Variants in GALNTL6 observed in about 807,000 individuals in gnomAD.
GALNTL6 encodes polypeptide N-acetylgalactosaminyltransferase-like 6.
In GALNTL6, 46 loss-of-function variants were observed where a neutral mutation model predicts 73.7. The observed-to-expected ratio is 0.62, with a 90% CI of 0.49 to 0.80. The LOEUF is 0.80. Ranked by LOEUF, GALNTL6 falls within the 30% of genes least tolerant of loss-of-function variation. GALNTL6 has a pLI of 0.00. For missense variants in GALNTL6, 604 were observed against 755.0 expected (o/e 0.80, Z 2.34); for synonymous variants, 259 against 263.7 (o/e 0.98, Z 0.17).
At chr4:172,129,630 C>T (rs1733399996) in intron 2 of GALNTL6, among the ~76,000 whole-genome samples, 1 of 152,042 alleles carries the variant, frequency 6.6e-6, no homozygotes, top group African/African-American at 2.4e-5. Context: ...AAAATGTTAA[C>T]CCAGGCATAC....
In GALNTL6 at chr4:171,947,414, A is replaced by G. The variant is rs141913950; in HGVS notation, c.138+132696A>G. Among the ~76,000 whole-genome samples the G allele has an allele frequency of 1.1e-3, 167 of 151,864 alleles. 1 individual carries two copies. Among genetic ancestry groups the G allele is most frequent in the East Asian group, 7.2e-3 (37 of 5,126 alleles). ...AGGGTTAACTTTTGCCTGCCTTACC[A>G]GTAGTAATATATCTAGGTCAGAGCA... On this transcript the variant is annotated intron_variant, in intron 2 of 12. Transcript: ENST00000506823.
At chr4:172,776,643 G>GA (rs1328786027) in intron 5 of GALNTL6, among the ~76,000 whole-genome samples, 5 of 151,908 alleles carry the variant, frequency 3.3e-5, no homozygotes, top group South Asian at 2.1e-4. Context: ...TGAGTGGACA[G>GA]AAAAAAAATA....
chr4:172,363,220 G>T (rs1353714837), intron 5 of GALNTL6, among the ~76,000 whole-genome samples: 1 of 152,016 alleles, frequency 6.6e-6, no homozygotes. Context: ...ATTAAATAAT[G>T]TTTTCACTAT....
chr4:171,859,518 A>G (rs1023822827), intron 2 of GALNTL6, among the ~76,000 whole-genome samples: 3 of 152,140 alleles, frequency 2.0e-5, no homozygotes, highest in Non-Finnish European at 4.4e-5. Flanking sequence ...GCAAGGATGC[A>G]TGGAACTGAG....
intron 5 of GALNTL6, among the ~76,000 whole-genome samples, chr4:172,606,644 T>TATATATACATATATAGTATAC: frequency 5.7e-5 from 2 of 35,176 alleles, no homozygotes; most frequent in Non-Finnish European, 1.4e-4. Flanking sequence ...ATATATACTA[T>TATATATACATATATAGTATAC]ATATATAGTA....
At chr4:172,702,773 A>G (rs1009788089) in intron 5 of GALNTL6, among the ~76,000 whole-genome samples, 3 of 152,116 alleles carry the variant, frequency 2.0e-5, no homozygotes, top group African/African-American at 4.8e-5. Flanking sequence ...AATTACCACT[A>G]TTTCAGTATA....
chr4:172,420,245 C>T (rs1561074984), intron 5 of GALNTL6, among the ~76,000 whole-genome samples: 1 of 152,176 alleles, frequency 6.6e-6, no homozygotes, highest in Non-Finnish European at 1.5e-5. Flanking sequence ...TAACGAGGGT[C>T]ATTTCAGCTT....
At chr4:172,615,556 T>G (rs964710092) in intron 5 of GALNTL6, among the ~76,000 whole-genome samples, 1 of 152,192 alleles carries the variant, frequency 6.6e-6, no homozygotes, top group East Asian at 1.9e-4. Context: ...CTCTTTCTAT[T>G]AAGTTCTCCT....
intron 8 of GALNTL6, among the ~76,000 whole-genome samples, chr4:172,886,883 C>T (rs1745752155): frequency 6.6e-6 from 1 of 152,120 alleles, no homozygotes; most frequent in Admixed American, 6.5e-5. Flanking sequence ...TTGTTACAAG[C>T]AAATATTGTG....
Position 172,229,653 on chromosome 4 carries a change from C to T in GALNTL6, c.139-3C>T, listed in dbSNP as rs1245554933. 1.3e-6 allele frequency: 2 copies of T among 1,599,906 alleles called. No homozygotes were observed. The highest frequency in any genetic ancestry group is 1.7e-6 in the Non-Finnish European group (2 of 1,167,484). On this transcript the variant is annotated splice_polypyrimidine_tract_variant and splice_region_variant and intron_variant, in intron 2 of 12. Coordinates refer to ENST00000506823, the MANE Select transcript of GALNTL6 (RefSeq NM_001034845.3). Reference sequence around the variant, plus strand: ...TATGCTTGAATACTTTCCTTTTCCACAGACATTTCCACTGGGCCTGGGAGA... The same window carrying T: ...TATGCTTGAATACTTTCCTTTTCCATAGACATTTCCACTGGGCCTGGGAGA...
intron 2 of GALNTL6, among the ~76,000 whole-genome samples, chr4:172,050,283 C>T (rs1266514952): frequency 1.3e-5 from 2 of 152,100 alleles, no homozygotes; most frequent in African/African-American, 4.8e-5. Context: ...GTCCCAACTT[C>T]CCCAATGGCT....
intron 7 of GALNTL6, among the ~76,000 whole-genome samples, chr4:172,871,981 C>T (rs542525424): frequency 1.7e-4 from 26 of 152,086 alleles, no homozygotes; most frequent in South Asian, 6.2e-4. Context: ...TTAGTAGAGA[C>T]GGGGTTTCAC....
intron 2 of GALNTL6, among the ~76,000 whole-genome samples, chr4:172,024,911 T>A (rs950505544): frequency 6.6e-6 from 1 of 151,486 alleles, no homozygotes; most frequent in Admixed American, 6.6e-5. Context: ...TTGGAGTTTC[T>A]TCCCTTCCTC....
chr4:172,340,172 A>G (rs909317428), intron 4 of GALNTL6, among the ~76,000 whole-genome samples: 3 of 151,970 alleles, frequency 2.0e-5, no homozygotes, highest in Non-Finnish European at 4.4e-5. Context: ...ATTTTCTTTT[A>G]TTTCTAGTTT....
intron 5 of GALNTL6, among the ~76,000 whole-genome samples, chr4:172,545,192 A>G (rs936477927): frequency 2.0e-5 from 3 of 152,176 alleles, no homozygotes; most frequent in Admixed American, 6.5e-5. Flanking sequence ...TACTAAATGT[A>G]TAATGGGGTG....
chr4:172,542,125 G>T (rs1231572323), intron 5 of GALNTL6, among the ~76,000 whole-genome samples: 1 of 151,480 alleles, frequency 6.6e-6, no homozygotes, highest in Non-Finnish European at 1.5e-5. Context: ...ATAGAGAAAG[G>T]GATCTCCAAG....
intron 5 of GALNTL6, among the ~76,000 whole-genome samples, chr4:172,484,775 A>G (rs1286829165): frequency 6.6e-6 from 1 of 152,202 alleles, no homozygotes; most frequent in Admixed American, 6.5e-5. Context: ...ATTTACACAC[A>G]AAACAGAAGA....
At chr4:171,988,432 A>C (rs1034419393) in intron 2 of GALNTL6, among the ~76,000 whole-genome samples, 5 of 152,148 alleles carry the variant, frequency 3.3e-5, no homozygotes, top group South Asian at 2.1e-4. Context: ...TGCTGAGCCT[A>C]ATGGGTGTCA....
At chr4:172,078,516 T>C (rs928464016) in intron 2 of GALNTL6, among the ~76,000 whole-genome samples, 1 of 152,194 alleles carries the variant, frequency 6.6e-6, no homozygotes, top group Non-Finnish European at 1.5e-5. Context: ...TTTATTGATA[T>C]GTATGTTGGT....
Sources: gnomAD v4.1 joint callset for allele counts (sites outside exome capture counted in the v4.1 genomes callset) on GRCh38, gnomAD v4.1.1 for gene constraint, MANE v1.5 for transcripts, NCBI Gene and HGNC (gene_info 2026-07-23, HGNC 2026-07-21) for gene names.